Variants in HS6ST3 observed in about 807,000 individuals in gnomAD.
HS6ST3 encodes the protein heparan-sulfate 6-O-sulfotransferase 3.
HS6ST3 carries 12 observed loss-of-function variants against 36.7 expected under a neutral mutation model. The ratio of observed to expected loss-of-function variants is 0.33; its 90% CI spans 0.21 to 0.53. HS6ST3 has a LOEUF of 0.53. Ranked by LOEUF, HS6ST3 falls within the 20% of genes least tolerant of loss-of-function variation. HS6ST3 has a pLI of 0.95. For synonymous variants in HS6ST3, 240 were observed against 257.5 expected (o/e 0.93, Z 0.65); for missense variants, 584 against 640.9 (o/e 0.91, Z 0.96).
At chr13:96,389,533 T>TGATA (rs1325879849) in intron 1 of HS6ST3, among the ~76,000 whole-genome samples, 1 of 152,166 alleles carries the variant, frequency 6.6e-6, no homozygotes, top group Non-Finnish European at 1.5e-5. Context: ...TCAAACACAC[T>TGATA]GATAGGGAGA....
chr13:96,809,559 T>G (rs1452810592), intron 1 of HS6ST3, among the ~76,000 whole-genome samples: 1 of 152,158 alleles, frequency 6.6e-6, no homozygotes, highest in Non-Finnish European at 1.5e-5. Context: ...GGCCAGGAGC[T>G]TTCACATGAA....
intron 1 of HS6ST3, among the ~76,000 whole-genome samples, chr13:96,349,920 A>G (rs916606928): frequency 6.6e-6 from 1 of 152,208 alleles, no homozygotes; most frequent in Non-Finnish European, 1.5e-5. Flanking sequence ...CAAGGAAATC[A>G]TCTAACTCCA....
At chr13:96,617,200 T>C (rs1428431271) in intron 1 of HS6ST3, among the ~76,000 whole-genome samples, 2 of 152,350 alleles carry the variant, frequency 1.3e-5, no homozygotes, top group Admixed American at 6.5e-5. Flanking sequence ...GTAAGTATTG[T>C]AAAATACATT....
chr13:96,511,667 A>G (rs1223457390), intron 1 of HS6ST3, among the ~76,000 whole-genome samples: 1 of 150,748 alleles, frequency 6.6e-6, no homozygotes, highest in South Asian at 2.1e-4. Context: ...CTCCCGATCT[A>G]TCATTTTTGT....
At chr13:96,232,581 T>G (rs988746419) in intron 1 of HS6ST3, among the ~76,000 whole-genome samples, 2 of 152,056 alleles carry the variant, frequency 1.3e-5, no homozygotes, top group Non-Finnish European at 2.9e-5. Context: ...CATCCTGAGA[T>G]AAGCTTGAAA....
chr13:96,536,983 G>A (rs1192701502), intron 1 of HS6ST3, among the ~76,000 whole-genome samples: 1 of 152,262 alleles, frequency 6.6e-6, no homozygotes, highest in South Asian at 2.1e-4. Context: ...TGTGTAAGAT[G>A]TAAGAATCCT....
chr13:96,327,751 G>A (rs1322882146), intron 1 of HS6ST3, among the ~76,000 whole-genome samples: 5 of 150,024 alleles, frequency 3.3e-5, no homozygotes, highest in African/African-American at 7.4e-5. Flanking sequence ...ATGGCATTGA[G>A]TCTGTAAATT....
chr13:96,743,333 AG>A (rs1876487558), intron 1 of HS6ST3, among the ~76,000 whole-genome samples: 2 of 152,108 alleles, frequency 1.3e-5, no homozygotes, highest in African/African-American at 4.8e-5. Flanking sequence ...TTGTGCTAAA[AG>A]AATGTGAAGG....
chr13:96,504,927 T>C (rs1056786633), intron 1 of HS6ST3, among the ~76,000 whole-genome samples: 1 of 152,170 alleles, frequency 6.6e-6, no homozygotes, highest in Non-Finnish European at 1.5e-5. Context: ...GAATAATAAA[T>C]GTCCAACAGT....
At chr13:96,611,995 T>C (rs2056458634) in intron 1 of HS6ST3, among the ~76,000 whole-genome samples, 1 of 151,528 alleles carries the variant, frequency 6.6e-6, no homozygotes. Flanking sequence ...TGGTAGACAG[T>C]TAGGGGGCTG....
chr13:96,789,969 T>C (rs1877743259), intron 1 of HS6ST3, among the ~76,000 whole-genome samples: 1 of 151,874 alleles, frequency 6.6e-6, no homozygotes, highest in Non-Finnish European at 1.5e-5. Context: ...AAATTCAAGA[T>C]GTTTTGGGTC....
chr13:96,191,997 C>T (rs2139346156), intron 1 of HS6ST3, among the ~76,000 whole-genome samples: 1 of 152,232 alleles, frequency 6.6e-6, no homozygotes, highest in South Asian at 2.1e-4. Flanking sequence ...CATTGAGCCA[C>T]ACAACCCCAG....
intron 1 of HS6ST3, among the ~76,000 whole-genome samples, chr13:96,813,865 C>T (rs1239753668): frequency 6.6e-6 from 1 of 152,224 alleles, no homozygotes; most frequent in African/African-American, 2.4e-5. Flanking sequence ...TACTCTCTTA[C>T]ATTTCTAGTC....
At chr13:96,723,928 T>G (rs1274815620) in intron 1 of HS6ST3, among the ~76,000 whole-genome samples, 1 of 152,206 alleles carries the variant, frequency 6.6e-6, no homozygotes, top group Non-Finnish European at 1.5e-5. Context: ...TTACCAAGCT[T>G]CCTTTTAGCT....
intron 1 of HS6ST3, among the ~76,000 whole-genome samples, chr13:96,097,581 T>A (rs1161589886): frequency 6.6e-6 from 1 of 152,030 alleles, no homozygotes; most frequent in East Asian, 1.9e-4. Context: ...TTGATTTTAA[T>A]TGGCCAAATT....
intron 1 of HS6ST3, among the ~76,000 whole-genome samples, chr13:96,778,025 C>A (rs1227006238): frequency 2.0e-5 from 3 of 152,110 alleles, no homozygotes; most frequent in African/African-American, 7.2e-5. Flanking sequence ...TGCCACACAT[C>A]TACAACCATC....
intron 1 of HS6ST3, among the ~76,000 whole-genome samples, chr13:96,381,372 A>T (rs930825578): frequency 4.1e-5 from 6 of 147,378 alleles, no homozygotes; most frequent in African/African-American, 1.5e-4. Context: ...ATATCTATTT[A>T]TCCATCTATC....
In HS6ST3 at chr13:96,147,937, G is replaced by T. The variant is rs116299716; in HGVS notation, c.707+56368G>T. 4.1e-3 allele frequency among the ~76,000 whole-genome samples: 619 copies of T among 152,294 alleles called. 2 individuals carry two copies. Among genetic ancestry groups the T allele is most frequent in the African/African-American group, 0.015 (606 of 41,556 alleles). On this transcript the variant is annotated intron_variant, in intron 1 of 1. Transcript: ENST00000376705. ...TTGCTTGTTTTTGAACTGTGTGGTC[G>T]TAGGAGGTGCTCTGGACAATTTTCA... is the stretch of plus-strand genomic sequence containing the variant.
At chr13:96,518,948 A>G (rs2056083094) in intron 1 of HS6ST3, among the ~76,000 whole-genome samples, 1 of 152,146 alleles carries the variant, frequency 6.6e-6, no homozygotes, top group Admixed American at 6.6e-5. Context: ...TATCCTTTCT[A>G]TGTACAAGCT....
Sources: allele counts gnomAD v4.1 joint callset (sites outside exome capture counted in the v4.1 genomes callset), GRCh38; gene constraint gnomAD v4.1.1; transcripts MANE v1.5; gene names NCBI Gene and HGNC (gene_info 2026-07-23, HGNC 2026-07-21).